LAMA2: variants seen among roughly 807,000 people sequenced by gnomAD.
The protein encoded by LAMA2 is laminin subunit alpha-2.
LAMA2 carries 269 observed loss-of-function variants against 364.8 expected under a neutral mutation model. That is an observed-to-expected ratio of 0.74 (90% CI 0.67 to 0.82). LAMA2 has a LOEUF of 0.82. LAMA2 is among the 40% of genes least tolerant of loss of function. The probability of loss-of-function intolerance (pLI) is 0.00; values close to 1 mark genes in which losing one functional copy is unlikely to be tolerated. For missense variants in LAMA2, 3,807 were observed against 3,873.2 expected (o/e 0.98, Z 0.45); for synonymous variants, 1,379 against 1,370.6 (o/e 1.01, Z -0.14).
intron 1 of LAMA2, among the ~76,000 whole-genome samples, chr6:128,915,395 A>T (rs909789611): frequency 1.3e-5 from 2 of 152,130 alleles, no homozygotes; most frequent in African/African-American, 4.8e-5. Context: ...ACAAGGTGAG[A>T]GCTAAGGAAG....
chr6:129,187,164 A>G (rs1322888690), intron 10 of LAMA2, among the ~76,000 whole-genome samples: 2 of 151,786 alleles, frequency 1.3e-5, no homozygotes, highest in African/African-American at 4.8e-5. Context: ...ATAAGCCAGG[A>G]ATGCAATTAG....
At chr6:129,328,147 G>C in intron 28 of LAMA2, 131 bp from the exon 29 acceptor site, 1 of 804,942 alleles carries the variant, frequency 1.2e-6, no homozygotes, top group Non-Finnish European at 2.2e-6. Context: ...CGGCACTTGC[G>C]TTTGTAAGTG....
At chr6:129,096,534 C>T (rs1775199121) in intron 3 of LAMA2, among the ~76,000 whole-genome samples, 1 of 152,114 alleles carries the variant, frequency 6.6e-6, no homozygotes, top group Admixed American at 6.5e-5. Flanking sequence ...TATCTATATG[C>T]CTTTGTAAAT....
At chr6:129,386,379 A>G (rs1779018124) in intron 35 of LAMA2, among the ~76,000 whole-genome samples, 1 of 151,196 alleles carries the variant, frequency 6.6e-6, no homozygotes, top group South Asian at 2.2e-4. Context: ...CTGTATGTTT[A>G]TATATGTCTA....
rs750585696 is a variant in LAMA2 at position 129,456,366 on chromosome 6, G to C, written c.6739G>C (p.Ala2247Pro). The change falls in exon 48 of 65, where the codon GCC (alanine) becomes CCC (proline). Residue 2247 changes from alanine to proline, a missense_variant. Around this residue, in one of 3 missense-constraint regions of LAMA2, gnomAD observed 3,333 missense variants for 3,345.7 expected, o/e 1.00. Transcript: ENST00000421865. ...GAGAAATGGAACTATTTCTGTGAGA[G>C]CCCTGGATGGACCCAAAGCCAGCAT... is the stretch of plus-strand genomic sequence containing the variant. ...TGRNGTISVR[A>P]LDGPKASIVP... 4 of 1,613,616 alleles carry C rather than the reference G, an allele frequency of 2.5e-6. No homozygotes were observed. The Admixed American group carries it at 6.7e-5, about 27-fold the overall frequency.
intron 18 of LAMA2, among the ~76,000 whole-genome samples, chr6:129,284,040 GA>G: frequency 6.6e-6 from 1 of 152,230 alleles, no homozygotes; most frequent in East Asian, 1.9e-4. Context: ...TCTTTTCCAT[GA>G]AGTCCCTGGG....
At chr6:129,382,328 A>T (rs138100285) in intron 34 of LAMA2, among the ~76,000 whole-genome samples, 1 of 152,264 alleles carries the variant, frequency 6.6e-6, no homozygotes, top group African/African-American at 2.4e-5. Flanking sequence ...AATGTTATAC[A>T]CACACCATTT....
rs780024072 is a variant in LAMA2, at chr6:129,402,443, G to A, written c.5682G>A (p.Glu1894=). 3 of 1,614,130 alleles carry A rather than the reference G, an allele frequency of 1.9e-6. No homozygotes were observed. Among genetic ancestry groups the A allele is most frequent in the Non-Finnish European group, 2.5e-6 (3 of 1,180,022 alleles). ...RKLAEKVSQA[E]SHAAQLNDSS... is the part of the protein sequence containing the mutation. ...TTGCTGAGAAGGTGTCCCAGGCTGA[G>A]AGCCACGCAGCTCAGTTGAATGACT... The change falls in exon 39 of 65, where the codon GAG becomes GAA. Residue 1894 remains glutamate, a synonymous_variant. Transcript: ENST00000421865.
chr6:129,256,491 GATATAC>G (rs1247443571), intron 14 of LAMA2, among the ~76,000 whole-genome samples: 5 of 151,944 alleles, frequency 3.3e-5, no homozygotes, highest in East Asian at 1.9e-4. Flanking sequence ...AGAGAAGACA[GATATAC>G]ATATACATAC....
At chr6:129,254,192 T>C (rs1029152575) in intron 14 of LAMA2, among the ~76,000 whole-genome samples, 1 of 152,210 alleles carries the variant, frequency 6.6e-6, no homozygotes, top group African/African-American at 2.4e-5. Flanking sequence ...TTCAGACTTA[T>C]TTACAGTGGA....
In LAMA2 at chr6:129,391,672, AT is replaced by A; in HGVS notation, c.5234+25del. On this transcript the variant is annotated intron_variant, in intron 36 of 64. Transcript: ENST00000421865. ...AGTTGGTGTGAGTAGATGAGTTATTATTTTTTCTTTTGACAAACTGAGATTT... is the reference window on the plus strand; with the variant it reads ...AGTTGGTGTGAGTAGATGAGTTATTATTTTTCTTTTGACAAACTGAGATTT... The A allele has an allele frequency of 6.2e-7, 1 of 1,606,632 alleles. No individual in the cohort carries two copies. The highest frequency in any genetic ancestry group is 8.5e-7 in the Non-Finnish European group (1 of 1,173,936).
At chr6:129,454,620 A>T (rs973007194) in intron 47 of LAMA2, among the ~76,000 whole-genome samples, 2 of 152,186 alleles carry the variant, frequency 1.3e-5, no homozygotes, top group African/African-American at 4.8e-5. Context: ...AAGCCAAAGC[A>T]TAAGAGCACC....
chr6:129,496,276 C>T (rs1180908204), intron 58 of LAMA2, among the ~76,000 whole-genome samples: 1 of 152,174 alleles, frequency 6.6e-6, no homozygotes, highest in Non-Finnish European at 1.5e-5. Flanking sequence ...AAGCAATTCT[C>T]CTGCTTCAGC....
At chr6:129,489,906 C>G (rs1280560641) in intron 56 of LAMA2, among the ~76,000 whole-genome samples, 1 of 144,242 alleles carries the variant, frequency 6.9e-6, no homozygotes, top group Non-Finnish European at 1.5e-5. Flanking sequence ...TTATGAAACT[C>G]TAAGAATCAG....
At chr6:129,502,961 G>T (rs1370155179) in intron 59 of LAMA2, 130 bp from the exon 60 acceptor site, 2 of 963,938 alleles carry the variant, frequency 2.1e-6, no homozygotes, top group African/African-American at 1.6e-5. Flanking sequence ...TCAGTAGCCT[G>T]ATAAAGTCCT....
intron 58 of LAMA2, among the ~76,000 whole-genome samples, chr6:129,501,142 G>A (rs779588882): frequency 3.3e-5 from 5 of 152,146 alleles, no homozygotes; most frequent in Admixed American, 2.6e-4. Context: ...GGGAAATATC[G>A]TGAGAGGCTG....
intron 60 of LAMA2, 63 bp from the exon 61 acceptor site, chr6:129,505,137 T>G (rs1785950844): frequency 1.4e-6 from 2 of 1,424,302 alleles, no homozygotes; most frequent in Admixed American, 3.3e-5. Context: ...TCCTTATGTC[T>G]TATACTCTGC....
At chr6:129,216,768 A>G (rs1431930420) in intron 12 of LAMA2, among the ~76,000 whole-genome samples, 4 of 152,224 alleles carry the variant, frequency 2.6e-5, no homozygotes, top group Non-Finnish European at 5.9e-5. Flanking sequence ...ATTAGAAAAT[A>G]CTTAAGTTCT....
At chr6:129,475,203 C>T (rs1240668226) in intron 52 of LAMA2, among the ~76,000 whole-genome samples, 187 bp from the exon 53 acceptor site, 2 of 151,912 alleles carry the variant, frequency 1.3e-5, no homozygotes, top group Non-Finnish European at 2.9e-5. Context: ...TCTAATTTCA[C>T]TGCCGTCAAG....
Sources: gnomAD v4.1 joint callset for allele counts (sites outside exome capture counted in the v4.1 genomes callset) on GRCh38, gnomAD v4.1.1 for gene constraint, gnomAD v4.1.1 regional missense constraint, MANE v1.5 for transcripts, NCBI Gene and HGNC (gene_info 2026-07-23, HGNC 2026-07-21) for gene names.